DOCK4: variants seen among roughly 807,000 people sequenced by gnomAD.
The protein encoded by DOCK4 is dedicator of cytokinesis 4, also known as dedicator of cytokinesis protein 4.
A neutral mutation model predicts 268.1 loss-of-function variants in DOCK4; 97 were observed. That is an observed-to-expected ratio of 0.36 (90% CI 0.31 to 0.43). The LOEUF is 0.43. Ranked by LOEUF, DOCK4 falls within the 20% of genes least tolerant of loss-of-function variation. DOCK4 has a pLI of 1.00. For synonymous variants in DOCK4, 954 were observed against 887.2 expected, an observed-to-expected ratio of 1.08 and a Z score of -1.34; for missense variants, 2,145 against 2,455.7, an observed-to-expected ratio of 0.87 and a Z score of 2.67.
At chr7:112,091,691 A>G (rs1809643859) in intron 1 of DOCK4, among the ~76,000 whole-genome samples, 1 of 152,142 alleles carries the variant, frequency 6.6e-6, no homozygotes, top group Non-Finnish European at 1.5e-5. Flanking sequence ...GCAACTCACA[A>G]GGGTATTTCT....
intron 1 of DOCK4, among the ~76,000 whole-genome samples, chr7:112,031,577 A>G (rs566405545): frequency 1.3e-5 from 2 of 152,162 alleles, no homozygotes; most frequent in African/African-American, 2.4e-5. Context: ...CTAACCTTTA[A>G]TCAAGTTCCA....
chr7:112,031,721 C>T (rs1165752223), intron 1 of DOCK4, among the ~76,000 whole-genome samples: 3 of 152,130 alleles, frequency 2.0e-5, no homozygotes, highest in African/African-American at 7.2e-5. Context: ...CTTATTGCCA[C>T]GGGAAGAGTG....
intron 30 of DOCK4, among the ~76,000 whole-genome samples, chr7:111,801,962 A>C (rs887951642): frequency 6.6e-6 from 1 of 151,718 alleles, no homozygotes; most frequent in Admixed American, 6.6e-5. Context: ...TGGCCTCCCA[A>C]AGTGCTGGGA....
chr7:111,771,575 A>G (rs1798127529), intron 36 of DOCK4, among the ~76,000 whole-genome samples: 1 of 152,198 alleles, frequency 6.6e-6, no homozygotes, highest in Non-Finnish European at 1.5e-5. Context: ...ATTGCACAAG[A>G]ATTATAATAA....
chr7:111,955,786 G>A lies in DOCK4; in HGVS notation c.702-9988C>T, dbSNP rs149222800. Among the ~76,000 whole-genome samples the A allele has an allele frequency of 5.6e-3, 856 of 152,216 alleles. 10 individuals carry two copies. Among genetic ancestry groups the A allele is most frequent in the African/African-American group, 0.02 (826 of 41,540 alleles). On this transcript the variant is annotated intron_variant, in intron 8 of 52. Coordinates refer to ENST00000428084, the MANE Select transcript of DOCK4 (RefSeq NM_001363540.2). The stretch of plus-strand genomic sequence containing the variant: ...TGTGCTGTTACCAGATTAAGCAATT[G>A]GTGAATTAAAGAAATGATTTTGACT...
At chr7:111,849,262 CTTTTTTT>C (rs200312873) in intron 23 of DOCK4, among the ~76,000 whole-genome samples, 3 of 133,366 alleles carry the variant, frequency 2.2e-5, no homozygotes, top group African/African-American at 2.8e-5. Context: ...TTCCTAGTTA[CTTTTTTT>C]TTTTTTTTTT....
intron 13 of DOCK4, among the ~76,000 whole-genome samples, chr7:111,909,140 A>C (rs903992975): frequency 2.0e-5 from 3 of 152,222 alleles, no homozygotes; most frequent in African/African-American, 7.2e-5. Flanking sequence ...ACAGTGTAAA[A>C]GTGTTCCTAT....
intron 35 of DOCK4, among the ~76,000 whole-genome samples, 193 bp from the exon 36 acceptor site, chr7:111,778,562 G>C (rs1278141090): frequency 6.6e-6 from 1 of 151,928 alleles, no homozygotes; most frequent in African/African-American, 2.4e-5. Flanking sequence ...TGGATAAGTT[G>C]GTTTCTTGGG....
At chr7:111,737,034 A>G in intron 49 of DOCK4, 45 bp from the exon 50 acceptor site, 3 of 1,525,388 alleles carry the variant, frequency 2.0e-6, no homozygotes, top group Non-Finnish European at 2.7e-6. Flanking sequence ...ATATACGGGC[A>G]TGTGAAACCT....
intron 1 of DOCK4, among the ~76,000 whole-genome samples, chr7:112,021,007 G>A (rs1586658466): frequency 1.3e-5 from 2 of 152,318 alleles, no homozygotes; most frequent in Middle Eastern, 6.8e-3. Flanking sequence ...CAGCTGGAAC[G>A]AAGGTGGAGG....
rs143705224 is a variant in DOCK4, at chr7:111,836,725, A to C, written c.2737-2039T>G. Among the ~76,000 whole-genome samples the C allele has an allele frequency of 2.8e-3, 429 of 152,272 alleles. 4 individuals carry two copies. Among genetic ancestry groups the C allele is most frequent in the African/African-American group, 9.7e-3 (402 of 41,576 alleles). On this transcript the variant is annotated intron_variant, in intron 25 of 52. Coordinates refer to ENST00000428084, the MANE Select transcript of DOCK4 (RefSeq NM_001363540.2). ...TTAAACTTCTAGAGATGAAGGCTAC[A>C]ATTTGTGAGATGAATATTAATTGAA...
chr7:112,096,282 A>G (rs1346160391), intron 1 of DOCK4, among the ~76,000 whole-genome samples: 1 of 151,064 alleles, frequency 6.6e-6, no homozygotes, highest in Non-Finnish European at 1.5e-5. Flanking sequence ...CTCAAACGAT[A>G]CTCCCACCTG....
intron 1 of DOCK4, among the ~76,000 whole-genome samples, chr7:112,135,848 G>T (rs189068929): frequency 5.5e-4 from 83 of 151,614 alleles, no homozygotes; most frequent in African/African-American, 1.8e-3. Flanking sequence ...TGCTTTCCTG[G>T]TGGAATATCT....
At chr7:111,843,971 A>T (rs2134076420) in intron 25 of DOCK4, among the ~76,000 whole-genome samples, 1 of 152,280 alleles carries the variant, frequency 6.6e-6, no homozygotes, top group South Asian at 2.1e-4. Context: ...GCTTCAAAGC[A>T]CTTTAAAATT....
In DOCK4 at chr7:111,849,996, A is replaced by T. The variant is rs572116396; in HGVS notation, c.2474-2870T>A. On this transcript the variant is annotated intron_variant, in intron 23 of 52. Transcript: ENST00000428084. ...TCAGCTTTCTCTTGTCTGCAAGTCA[A>T]CTGCCACCCAGCCTTGTAAAAATTG... Among the ~76,000 whole-genome samples, 3 of 152,222 alleles carry T rather than the reference A, an allele frequency of 2.0e-5. No homozygotes were observed. The East Asian group carries it at 5.8e-4, about 29-fold the overall frequency.
intron 23 of DOCK4, among the ~76,000 whole-genome samples, chr7:111,857,405 C>T (rs1805099710): frequency 6.6e-6 from 1 of 152,040 alleles, no homozygotes; most frequent in South Asian, 2.1e-4. Flanking sequence ...AAAAAAATTC[C>T]TACCCTAAAA....
intron 11 of DOCK4, 47 bp from the exon 12 acceptor site, chr7:111,935,675 C>A: frequency 1.3e-6 from 2 of 1,501,956 alleles, no homozygotes; most frequent in South Asian, 1.1e-5. Flanking sequence ...TGCATGCAGT[C>A]AAGCAGTGAT....
intron 11 of DOCK4, among the ~76,000 whole-genome samples, chr7:111,939,003 G>A (rs1182046701): frequency 2.0e-5 from 3 of 150,932 alleles, no homozygotes; most frequent in Non-Finnish European, 4.4e-5. Flanking sequence ...TGGGGGGGTG[G>A]GGGATTGGAC....
At chr7:111,895,219 T>C (rs528780916) in intron 16 of DOCK4, among the ~76,000 whole-genome samples, 57 of 152,214 alleles carry the variant, frequency 3.7e-4, no homozygotes, top group Admixed American at 3.1e-3. Flanking sequence ...TTAGTAACAA[T>C]AGCAGACAAA....
Sources: allele counts gnomAD v4.1 joint callset (sites outside exome capture counted in the v4.1 genomes callset), GRCh38; gene constraint gnomAD v4.1.1; transcripts MANE v1.5; gene names NCBI Gene and HGNC (gene_info 2026-07-23, HGNC 2026-07-21).